DOCK2: variants seen among roughly 807,000 people sequenced by gnomAD.
DOCK2 encodes dedicator of cytokinesis 2.
A neutral mutation model predicts 248.9 loss-of-function variants in DOCK2; 87 were observed. That is an observed-to-expected ratio of 0.35 (90% CI 0.29 to 0.42). The LOEUF (loss-of-function observed/expected upper bound fraction) is 0.42, where lower values mean the gene tolerates loss of function less well. DOCK2 is among the 10% of genes least tolerant of loss of function. DOCK2 has a pLI of 1.00. For synonymous variants in DOCK2, 805 were observed against 821.6 expected, an observed-to-expected ratio of 0.98 and a Z score of 0.35; for missense variants, 1,747 against 2,300.2, an observed-to-expected ratio of 0.76 and a Z score of 4.92.
At chr5:170,080,343 T>C (rs1757985256) in intron 50 of DOCK2, 60 bp downstream of exon 50, 2 of 1,602,248 alleles carry the variant, frequency 1.2e-6, no homozygotes, top group Non-Finnish European at 1.7e-6. Context: ...ACCAGCCTTG[T>C]GGGTGGAGGA....
chr5:169,681,975 T>G (rs564183086), intron 7 of DOCK2, 96 bp downstream of exon 7: 1 of 1,512,656 alleles, frequency 6.6e-7, no homozygotes, highest in Admixed American at 1.9e-5. Flanking sequence ...TGTGTATTAT[T>G]CAAGGGGCAT....
chr5:170,058,404 A>G (rs1757211830), intron 44 of DOCK2, among the ~76,000 whole-genome samples: 1 of 152,220 alleles, frequency 6.6e-6, no homozygotes, highest in Non-Finnish European at 1.5e-5. Context: ...AAAAAGTCAA[A>G]GTAAATATAT....
At chr5:170,019,871 G>A (rs766229653) in intron 33 of DOCK2, among the ~76,000 whole-genome samples, 20 of 151,856 alleles carry the variant, frequency 1.3e-4, no homozygotes, top group Non-Finnish European at 2.5e-4. Context: ...CTCACCCCCT[G>A]TCCTCTCTGC....
chr5:169,763,504 C>T lies in DOCK2; in HGVS notation c.2554+1879C>T, dbSNP rs1212698050. ...ATCAAGGCCAGATGGAGTGCTAGCA[C>T]GGGCCTGGGCTGGGCATGTGGTGTC... On this transcript the variant is annotated intron_variant, in intron 25 of 51. Coordinates refer to ENST00000520908, the MANE Select transcript of DOCK2 (RefSeq NM_004946.3). The surrounding 1 kb of genome is among the most constrained non-coding windows in gnomAD (Gnocchi z 4.1). Among the ~76,000 whole-genome samples the T allele has an allele frequency of 1.3e-5, 2 of 152,210 alleles. No individual in the cohort carries two copies. Among genetic ancestry groups the T allele is most frequent in the East Asian group, 1.9e-4 (1 of 5,196 alleles).
intron 26 of DOCK2, among the ~76,000 whole-genome samples, chr5:169,837,644 A>G (rs1769674625): frequency 6.6e-6 from 1 of 152,184 alleles, no homozygotes; most frequent in Non-Finnish European, 1.5e-5. Flanking sequence ...TCAAACCAGT[A>G]ACTTTGAGGT....
At chr5:170,017,364 G>A (rs1458691895) in intron 32 of DOCK2, among the ~76,000 whole-genome samples, 1 of 152,132 alleles carries the variant, frequency 6.6e-6, no homozygotes, top group African/African-American at 2.4e-5. Flanking sequence ...AAATATAGAG[G>A]TGTGAGCTTC....
intron 29 of DOCK2, among the ~76,000 whole-genome samples, chr5:169,992,075 C>T (rs993906904): frequency 3.3e-5 from 5 of 152,124 alleles, no homozygotes; most frequent in African/African-American, 4.8e-5. Flanking sequence ...TGGTTAAATA[C>T]CTAGATTCTG....
chr5:170,004,092 C>A (rs1245416844), intron 30 of DOCK2, among the ~76,000 whole-genome samples: 1 of 152,166 alleles, frequency 6.6e-6, no homozygotes. Flanking sequence ...TATGTCCACA[C>A]AGAGATTTGT....
At chr5:169,796,524 G>A (rs916724275) in intron 25 of DOCK2, among the ~76,000 whole-genome samples, 2 of 152,176 alleles carry the variant, frequency 1.3e-5, no homozygotes, top group African/African-American at 4.8e-5. Context: ...GGATGATGGT[G>A]TACCCCAACT....
intron 30 of DOCK2, among the ~76,000 whole-genome samples, chr5:170,001,850 G>A (rs2113803441): frequency 6.6e-6 from 1 of 152,268 alleles, no homozygotes; most frequent in South Asian, 2.1e-4. Flanking sequence ...GTATAATATG[G>A]GTGAATAATG....
chr5:169,843,275 T>C (rs2113343974), intron 27 of DOCK2, among the ~76,000 whole-genome samples: 1 of 152,168 alleles, frequency 6.6e-6, no homozygotes, highest in African/African-American at 2.4e-5. Flanking sequence ...CTGTGACCGC[T>C]CCCTCTTCTA....
chr5:169,889,056 A>G (rs55849268), intron 27 of DOCK2, among the ~76,000 whole-genome samples: 5,323 of 152,254 alleles, frequency 0.035, 185 homozygotes, highest in African/African-American at 0.089. Context: ...GACATGTGGT[A>G]ATGGTCTACT....
intron 22 of DOCK2, among the ~76,000 whole-genome samples, chr5:169,744,588 T>C (rs1763500808): frequency 6.7e-6 from 1 of 148,554 alleles, no homozygotes; most frequent in African/African-American, 2.6e-5. Flanking sequence ...TTTAAAGATA[T>C]TTGTGCAGCT....
At chr5:170,011,177 G>A (rs1416034508) in intron 32 of DOCK2, among the ~76,000 whole-genome samples, 8 of 152,206 alleles carry the variant, frequency 5.3e-5, no homozygotes, top group African/African-American at 1.9e-4. Context: ...GGGAGACCCA[G>A]AGCCCATTAT....
chr5:170,038,656 G>A (rs866257025), intron 36 of DOCK2, among the ~76,000 whole-genome samples: 3 of 152,032 alleles, frequency 2.0e-5, no homozygotes, highest in African/African-American at 4.8e-5. Flanking sequence ...GCTACTCCCC[G>A]TCCACCTCGC....
chr5:169,880,756 C>T (rs1415188522), intron 27 of DOCK2, among the ~76,000 whole-genome samples: 1 of 152,176 alleles, frequency 6.6e-6, no homozygotes, highest in African/African-American at 2.4e-5. Context: ...TGATGGCAGA[C>T]TTGGGGATTA....
At chr5:169,840,973 G>A (rs1008973769) in intron 27 of DOCK2, 121 bp downstream of exon 27, 2 of 1,116,956 alleles carry the variant, frequency 1.8e-6, no homozygotes, top group African/African-American at 1.6e-5. Context: ...TTTGGAGTAG[G>A]GTGACCAGAT....
chr5:169,761,564 C>T lies in DOCK2; in HGVS notation c.2493C>T (p.Leu831=). ...ACACCTGCATCCCTCCTGTGAAACT[C>T]CAGAAGCAGAAAGTACAGTCTATGA... The part of the protein sequence containing the change: ...EFYTCIPPVK[L]QKQKVQSMNE... The change falls in exon 25 of 52, where the codon CTC becomes CTT. Residue 831 remains leucine, a synonymous_variant. Coordinates refer to ENST00000520908, the MANE Select transcript of DOCK2 (RefSeq NM_004946.3). 1.2e-6 allele frequency: 2 copies of T among 1,614,082 alleles called. No individual in the cohort carries two copies. The highest frequency in any genetic ancestry group is 1.7e-6 in the Non-Finnish European group (2 of 1,179,960).
chr5:169,745,437 T>G (rs1763559793), intron 22 of DOCK2, among the ~76,000 whole-genome samples: 1 of 152,112 alleles, frequency 6.6e-6, no homozygotes, highest in South Asian at 2.1e-4. Flanking sequence ...ACTTCCCATG[T>G]GGGTTGATCC....
Sources: gnomAD v4.1 joint callset for allele counts (sites outside exome capture counted in the v4.1 genomes callset) on GRCh38, gnomAD v4.1.1 for gene constraint, Gnocchi (gnomAD v3.1) non-coding constraint, MANE v1.5 for transcripts, NCBI Gene and HGNC (gene_info 2026-07-23, HGNC 2026-07-21) for gene names.